The following PVT1 variants were observed in gnomAD, a reference collection of about 807,000 sequenced individuals.
PVT1 encodes the protein CXCR4/PVT1 fusion.
rs528357318 is a variant in PVT1, at chr8:128,020,569, T to C, written n.912+31278T>C. Among the ~76,000 whole-genome samples, 5 of 152,286 alleles carry C rather than the reference T, an allele frequency of 3.3e-5. No individual in the cohort carries two copies. The South Asian group carries it at 1.0e-3, about 32-fold the overall frequency. ...CCGCCGGCCTACAGCTGCAGGGAAC[T>C]GAATTCAGCAACATGAATAAGTTTG... On this transcript the variant is annotated intron_variant and non_coding_transcript_variant, in intron 4 of 10. Coordinates refer to ENST00000651587, the Ensembl canonical transcript of PVT1.
At chr8:128,059,215 C>A (rs1000613736) in intron 4 of PVT1, among the ~76,000 whole-genome samples, 1 of 152,118 alleles carries the variant, frequency 6.6e-6, no homozygotes, top group African/African-American at 2.4e-5. Context: ...CCCCTTTGTA[C>A]AATTATGATA....
intron 2 of PVT1, among the ~76,000 whole-genome samples, chr8:127,863,630 G>T (rs1383249368): frequency 6.6e-6 from 1 of 152,218 alleles, no homozygotes; most frequent in African/African-American, 2.4e-5. Context: ...GTGTGTGCTT[G>T]TGGGAACATT....
intron 3 of PVT1, chr8:127,947,488 C>T (rs2129919128): frequency 2.9e-6 from 1 of 345,082 alleles, no homozygotes; most frequent in Non-Finnish European, 5.7e-6. Context: ...TCTCCTCTGC[C>T]CATCCCAATG....
At chr8:127,831,151 C>A (rs1427591511) in intron 2 of PVT1, among the ~76,000 whole-genome samples, 1,888 of 147,258 alleles carry the variant, frequency 0.013, 33 homozygotes, top group African/African-American at 0.044. Context: ...CTCTCTCTCT[C>A]TCTCTATATA....
At chr8:127,922,431 A>T (rs2129868791) in intron 3 of PVT1, among the ~76,000 whole-genome samples, 1 of 152,094 alleles carries the variant, frequency 6.6e-6, no homozygotes, top group South Asian at 2.1e-4. Context: ...AAATATCTGG[A>T]CCTATTTTAA....
At chr8:127,847,109 T>C (rs1197663809) in intron 2 of PVT1, among the ~76,000 whole-genome samples, 1 of 150,576 alleles carries the variant, frequency 6.6e-6, no homozygotes, top group South Asian at 2.1e-4. Context: ...TTCAAGCAAT[T>C]CTCCTGCCTC....
rs967288099 is a variant in PVT1, at chr8:127,817,521, C to A, written n.372+21450C>A. Among the ~76,000 whole-genome samples, 170 of 47,056 alleles carry A rather than the reference C, an allele frequency of 3.6e-3. 1 individual carries two copies. The highest frequency in any genetic ancestry group is 0.013 in the Middle Eastern group (1 of 80). 30.9% of individuals were successfully genotyped at this position (47,056 alleles called of 152,430 possible). A position where few individuals can be genotyped will look rare whatever the true frequency, so the allele number is the denominator to read the frequency against. The stretch of plus-strand genomic sequence containing the variant: ...TACATATATATTTAAATAGATATAT[C>A]TATTTAAATATATATATATATATAT... On this transcript the variant is annotated intron_variant and non_coding_transcript_variant, in intron 2 of 10. Transcript: ENST00000651587.
chr8:127,986,216 A>T (rs539216619), intron 3 of PVT1, among the ~76,000 whole-genome samples: 1 of 152,296 alleles, frequency 6.6e-6, no homozygotes, highest in Non-Finnish European at 1.5e-5. Flanking sequence ...CATGCTTGAT[A>T]TTCTGCTGGC....
At position 127,916,392 on chromosome 8, in the gene PVT1, A is replaced by G. The variant is rs77614330; in HGVS notation, n.782+25394A>G. Among the ~76,000 whole-genome samples, 214 of 152,318 alleles carry G rather than the reference A, an allele frequency of 1.4e-3. 1 individual carries two copies. The highest frequency in any genetic ancestry group is 3.4e-3 in the Middle Eastern group (1 of 294). ...TGCTGTGGCATGTGGTTGGTGCTCA[A>G]TAATGATTTGTTGTGTGAACAAGTG... On this transcript the variant is annotated intron_variant and non_coding_transcript_variant, in intron 3 of 10. Transcript: ENST00000651587.
chr8:127,849,033 A>T (rs1311670812), intron 2 of PVT1, among the ~76,000 whole-genome samples: 1 of 152,084 alleles, frequency 6.6e-6, no homozygotes, highest in East Asian at 1.9e-4. Flanking sequence ...TGGGAAGGGG[A>T]TGCCAGCTAG....
intron 4 of PVT1, among the ~76,000 whole-genome samples, chr8:128,041,209 G>T (rs1563673086): frequency 8.6e-6 from 1 of 115,714 alleles, no homozygotes; most frequent in Admixed American, 8.2e-5. Flanking sequence ...GTGTTTGCAT[G>T]TGTGTTTGTG....
At chr8:127,797,526 AG>A (rs1299712488) in intron 2 of PVT1, among the ~76,000 whole-genome samples, 3 of 152,232 alleles carry the variant, frequency 2.0e-5, no homozygotes, top group Non-Finnish European at 2.9e-5. Context: ...AGAGAGTCTC[AG>A]AAATTCAAGG....
At chr8:127,998,818 CCCTT>C (rs3041894) in intron 4 of PVT1, among the ~76,000 whole-genome samples, 41,998 of 120,446 alleles carry the variant, frequency 0.35, 7,882 homozygotes, top group Admixed American at 0.54. Flanking sequence ...TCTCCTCCTC[CCCTT>C]CCTTCCTTCC....
chr8:127,971,264 C>T (rs754744178), intron 3 of PVT1, among the ~76,000 whole-genome samples: 1 of 152,236 alleles, frequency 6.6e-6, no homozygotes, highest in African/African-American at 2.4e-5. Context: ...CAGCCAGTCC[C>T]TACACAGCTG....
intron 3 of PVT1, among the ~76,000 whole-genome samples, chr8:127,979,103 CAAT>C (rs1037768752): frequency 5.9e-5 from 9 of 152,232 alleles, no homozygotes; most frequent in African/African-American, 2.2e-4. Context: ...TATTGTCTAA[CAAT>C]AAACTCAACC....
intron 3 of PVT1, among the ~76,000 whole-genome samples, chr8:127,971,501 C>G (rs1816764071): frequency 1.3e-5 from 2 of 152,198 alleles, no homozygotes; most frequent in Admixed American, 1.3e-4. Context: ...CTCCAGCCCC[C>G]TGCCCTGCAC....
At position 127,960,521 on chromosome 8, in the gene PVT1, A is replaced by T. The variant is rs140997929; in HGVS notation, n.783-28641A>T. 420 of 328,488 alleles carry T rather than the reference A, an allele frequency of 1.3e-3. 1 individual carries two copies. Among genetic ancestry groups the T allele is most frequent in the Admixed American group, 2.9e-3 (76 of 26,592 alleles). The allele number at this position is 328,488 out of a possible 1,614,324, so 20.3% of individuals were successfully genotyped here. A position where few individuals can be genotyped will look rare whatever the true frequency, so the allele number is the denominator to read the frequency against. Reference sequence around the variant, plus strand: ...CTTGAGGTGGGTTCTGCAGATAAAGATGCTTTTGAAGTTCAGTTGGTGGGA... The same window carrying T: ...CTTGAGGTGGGTTCTGCAGATAAAGTTGCTTTTGAAGTTCAGTTGGTGGGA... On this transcript the variant is annotated intron_variant and non_coding_transcript_variant, in intron 3 of 10. Coordinates refer to ENST00000651587, the Ensembl canonical transcript of PVT1.
chr8:127,807,853 C>T (rs186128113), intron 2 of PVT1, among the ~76,000 whole-genome samples: 187 of 150,794 alleles, frequency 1.2e-3, no homozygotes, highest in African/African-American at 4.5e-3. Flanking sequence ...CCGCAAGCTC[C>T]GCCTCCCAGG....
At chr8:128,028,460 A>C (rs2130066747) in intron 4 of PVT1, among the ~76,000 whole-genome samples, 1 of 152,334 alleles carries the variant, frequency 6.6e-6, no homozygotes, top group South Asian at 2.1e-4. Flanking sequence ...TGTCTCCACA[A>C]AGGAGAACTG....
Sources: allele counts gnomAD v4.1 joint callset (sites outside exome capture counted in the v4.1 genomes callset), GRCh38; gene constraint gnomAD v4.1.1; transcripts MANE v1.5; gene names NCBI Gene and HGNC (gene_info 2026-07-23, HGNC 2026-07-21).